Variants in UBASH3B observed in about 807,000 individuals in gnomAD.
UBASH3B encodes the protein ubiquitin associated and SH3 domain containing B, also known as ubiquitin-associated and SH3 domain-containing protein B.
Under a neutral mutation model 83.4 loss-of-function variants are expected in UBASH3B, and 37 were observed. The ratio of observed to expected loss-of-function variants is 0.44; its 90% CI spans 0.34 to 0.58. UBASH3B has a LOEUF of 0.58. Ranked by LOEUF, UBASH3B falls within the 20% of genes least tolerant of loss-of-function variation. UBASH3B has a pLI of 0.01. For missense variants in UBASH3B, 657 were observed against 827.2 expected (o/e 0.79, Z 2.52); for synonymous variants, 304 against 318.3 (o/e 0.96, Z 0.48).
chr11:122,744,898 T>TGTGTGTGTGTGTGTGTGTGC (rs1293701124), intron 1 of UBASH3B, among the ~76,000 whole-genome samples: 13 of 107,800 alleles, frequency 1.2e-4, no homozygotes, highest in Admixed American at 1.7e-4. Flanking sequence ...TGTGTGTGTG[T>TGTGTGTGTGTGTGTGTGTGC]GCGCGCGCGC....
chr11:122,777,810 A>C (rs1011125607), intron 3 of UBASH3B, among the ~76,000 whole-genome samples: 2 of 151,902 alleles, frequency 1.3e-5, no homozygotes, highest in East Asian at 3.9e-4. Context: ...GCTCACTGCA[A>C]CCTCCACCTC....
At chr11:122,777,735 T>A (rs762126053) in intron 3 of UBASH3B, among the ~76,000 whole-genome samples, 5 of 152,128 alleles carry the variant, frequency 3.3e-5, no homozygotes, top group Non-Finnish European at 7.4e-5. Context: ...ATTTTTGTTG[T>A]TGTTGTTGTT....
At chr11:122,749,368 T>A (rs1027298607) in intron 1 of UBASH3B, among the ~76,000 whole-genome samples, 1 of 152,282 alleles carries the variant, frequency 6.6e-6, no homozygotes, top group African/African-American at 2.4e-5. Flanking sequence ...AAGCACTTCA[T>A]GTATTGGCAA....
chr11:122,801,529 G>A (rs1332999222), intron 11 of UBASH3B, among the ~76,000 whole-genome samples, 197 bp downstream of exon 11: 1 of 152,170 alleles, frequency 6.6e-6, no homozygotes, highest in East Asian at 1.9e-4. Flanking sequence ...CATTAGTGTG[G>A]ATTAGATTCT....
At chr11:122,770,143 G>A (rs1860617173) in intron 1 of UBASH3B, among the ~76,000 whole-genome samples, 1 of 152,222 alleles carries the variant, frequency 6.6e-6, no homozygotes, top group African/African-American at 2.4e-5. Flanking sequence ...CATGGAGCAG[G>A]TACAGTGCCT....
chr11:122,715,353 C>A (rs1308390566), intron 1 of UBASH3B, among the ~76,000 whole-genome samples: 1 of 152,174 alleles, frequency 6.6e-6, no homozygotes, highest in East Asian at 1.9e-4. Context: ...TCTGGACAGA[C>A]CTTGCATTGC....
chr11:122,796,876 G>A, intron 8 of UBASH3B, 35 bp from the exon 9 acceptor site: 1 of 1,614,022 alleles, frequency 6.2e-7, no homozygotes, highest in Admixed American at 1.7e-5. Context: ...AACAAGAAAT[G>A]TATGTATCCT....
intron 1 of UBASH3B, among the ~76,000 whole-genome samples, chr11:122,661,258 G>T (rs1389963692): frequency 2.6e-5 from 4 of 152,216 alleles, no homozygotes; most frequent in Admixed American, 6.5e-5. Flanking sequence ...CTTTTGACTT[G>T]GCTTTGGACA....
chr11:122,807,946 G>C, intron 12 of UBASH3B, 121 bp from the exon 13 acceptor site: 1 of 758,072 alleles, frequency 1.3e-6, no homozygotes, highest in Non-Finnish European at 2.4e-6. Context: ...ATATTGCTTA[G>C]GCAAATTGTC....
chr11:122,772,942 C>T (rs895757041), intron 1 of UBASH3B, among the ~76,000 whole-genome samples: 2 of 152,224 alleles, frequency 1.3e-5, no homozygotes, highest in African/African-American at 2.4e-5. Flanking sequence ...CATGACAAAA[C>T]TTCAACAATT....
chr11:122,743,930 G>A (rs1280932792), intron 1 of UBASH3B, among the ~76,000 whole-genome samples: 1 of 152,194 alleles, frequency 6.6e-6, no homozygotes, highest in Non-Finnish European at 1.5e-5. Flanking sequence ...CGAGGAAGAG[G>A]TGTGATTTGA....
chr11:122,715,944 T>C (rs536627718), intron 1 of UBASH3B, among the ~76,000 whole-genome samples: 2 of 152,390 alleles, frequency 1.3e-5, no homozygotes, highest in Admixed American at 1.3e-4. Context: ...TTTCCTGTCA[T>C]TTGAAAATGC....
intron 2 of UBASH3B, 59 bp from the exon 3 acceptor site, chr11:122,776,965 C>A: frequency 1.3e-6 from 2 of 1,486,898 alleles, no homozygotes; most frequent in Non-Finnish European, 1.8e-6. Flanking sequence ...TCTCTCAGTT[C>A]TTTTTTCCCC....
intron 8 of UBASH3B, 104 bp from the exon 9 acceptor site, chr11:122,796,807 C>T (rs761340112): frequency 3.4e-5 from 52 of 1,526,900 alleles, no homozygotes; most frequent in Non-Finnish European, 4.6e-5. Context: ...AGTGTGATCT[C>T]TTTGGCCAAG....
intron 1 of UBASH3B, among the ~76,000 whole-genome samples, chr11:122,742,936 G>A (rs1049543736): frequency 1.1e-4 from 16 of 152,292 alleles, no homozygotes; most frequent in African/African-American, 3.6e-4. Flanking sequence ...GAGCCTGGCC[G>A]GCTAGAGTTT....
intron 10 of UBASH3B, 135 bp downstream of exon 10, chr11:122,799,169 C>G (rs770356225): frequency 1.4e-4 from 104 of 761,364 alleles, no homozygotes; most frequent in Non-Finnish European, 1.8e-4. Flanking sequence ...AGGATTCTTT[C>G]AGAAGGCGAT....
intron 1 of UBASH3B, among the ~76,000 whole-genome samples, chr11:122,749,563 G>T (rs750274191): frequency 1.6e-4 from 24 of 152,192 alleles, no homozygotes; most frequent in Admixed American, 1.6e-3. Flanking sequence ...GAAGCTGAGG[G>T]TTAGCTCTAT....
chr11:122,750,119 C>T (rs1255886678), intron 1 of UBASH3B, among the ~76,000 whole-genome samples: 1 of 152,184 alleles, frequency 6.6e-6, no homozygotes, highest in Admixed American at 6.6e-5. Context: ...AATAGCAGAG[C>T]CAAGGCTCAA....
chr11:122,686,188 A>G (rs955515105), intron 1 of UBASH3B, among the ~76,000 whole-genome samples: 1 of 152,212 alleles, frequency 6.6e-6, no homozygotes, highest in East Asian at 1.9e-4. Flanking sequence ...GAACATGATT[A>G]TTTGGGACTG....
Sources: allele counts gnomAD v4.1 joint callset (sites outside exome capture counted in the v4.1 genomes callset), GRCh38; gene constraint gnomAD v4.1.1; transcripts MANE v1.5; gene names NCBI Gene and HGNC (gene_info 2026-07-23, HGNC 2026-07-21).